Variants in ZNF594 observed in about 807,000 individuals in gnomAD.
ZNF594 encodes zinc finger protein 594.
For synonymous variants in ZNF594, 336 were observed against 309.4 expected (o/e 1.09, Z -0.90); for missense variants, 1,037 against 964.6 (o/e 1.08, Z -0.99).
In ZNF594 at chr17:5,183,029, C is replaced by T; in HGVS notation, c.1228G>A (p.Gly410Arg). The change falls in exon 2 of 2, where the codon GGG (glycine) becomes AGG (arginine). Residue 410 changes from glycine to arginine, a missense_variant. Physicochemically the swap from Gly to Arg is moderately radical, Grantham distance 125. Transcript: ENST00000575779. ...GEKPYECKEC[G>R]KTFNQSSDLL... ...TCTGAGCTCTGATTGAAAGTTTTCC[C>T]ACATTCTTTACATTCATATGGTTTC... 6.2e-7 allele frequency: 1 copy of T among 1,614,116 alleles called. No individual in the cohort carries two copies. The highest frequency in any genetic ancestry group is 8.5e-7 in the Non-Finnish European group (1 of 1,180,010).
At chr17:5,176,551 T>C (rs533839099), downstream of ZNF594, among the ~76,000 whole-genome samples, 27 of 151,278 alleles carry the variant, frequency 1.8e-4, no homozygotes, top group Non-Finnish European at 3.2e-4. Flanking sequence ...GTTTCTTCTT[T>C]TTTTTTTTTT....
rs763716961 is a variant in ZNF594, at chr17:5,182,602, T to C, written c.1655A>G (p.Asp552Gly). 27 of 1,613,512 alleles carry C rather than the reference T, an allele frequency of 1.7e-5. No homozygotes were observed. The East Asian group carries it at 5.8e-4, about 35-fold the overall frequency. ...TTTCTGCTCTCCCCTAAGCTCCTCA[T>C]CCTGGCTGAAGGTTTTCTCACATTC... ...KLECEKTFSQ[D>G]EELRGEQKIH... The change falls in exon 2 of 2, where the codon GAT becomes GGT. Residue 552 changes from aspartate (D) to glycine (G), a missense_variant. Coordinates refer to ENST00000575779, the MANE Select transcript of ZNF594 (RefSeq NM_032530.2).
Position 5,184,184 on chromosome 17 carries a change from G to C in ZNF594, c.73C>G (p.Gln25Glu). The C allele has an allele frequency of 1.9e-6, 3 of 1,614,056 alleles. No individual in the cohort carries two copies. The highest frequency in any genetic ancestry group is 1.7e-6 in the Non-Finnish European group (2 of 1,180,016). ...TCACATTCCTGGGTGATTTGTCTTT[G>C]GAGTTTTTCGGATGCAGCCCTTGCT... Reference protein sequence around the residue: ...KSARAASEKLQRQITQECELV... With the variant: ...KSARAASEKLERQITQECELV... Residue 25 changes from glutamine (Q) to glutamate (E), a missense_variant, in exon 2 of 2, where the codon CAA (glutamine) becomes GAA (glutamate). Transcript: ENST00000575779.
rs749373453 is a variant in ZNF594 at position 5,184,049 on chromosome 17, G to C, written c.208C>G (p.His70Asp). 55 of 1,613,988 alleles carry C rather than the reference G, an allele frequency of 3.4e-5. No homozygotes were observed. Among genetic ancestry groups the C allele is most frequent in the Non-Finnish European group, 4.4e-5 (52 of 1,180,014 alleles). Residue 70 changes from histidine (H) to aspartate (D), a missense_variant, in exon 2 of 2, where the codon CAT becomes GAT. Transcript: ENST00000575779. ...ACAATGGCTTTCTGGGGGATAATAT[G>C]CATTTCCCTGATACCGCTCTCTTGG... The part of the protein sequence containing the change: ...PSQESGIREM[H>D]IIPQKAIVGE...
chr17:5,178,431 ATTGT>A (rs199762335), downstream of ZNF594, among the ~76,000 whole-genome samples: 1,427 of 152,336 alleles, frequency 9.4e-3, 14 homozygotes, highest in Middle Eastern at 0.014. Context: ...CCTTAATCTC[ATTGT>A]TTGTCTAAAA....
intron 1 of ZNF594, 152 bp from the exon 2 acceptor site, chr17:5,184,428 A>T (rs2641233): frequency 0.75 from 591,518 of 785,656 alleles, 229,675 homozygotes; most frequent in Non-Finnish European, 0.81. Context: ...ACTGTGGCTA[A>T]CACAGGAACC....
At chr17:5,176,962 G>A (rs185923908), downstream of ZNF594, among the ~76,000 whole-genome samples, 9 of 152,162 alleles carry the variant, frequency 5.9e-5, no homozygotes, top group Non-Finnish European at 7.4e-5. Flanking sequence ...TTGAGAGGCC[G>A]AGGCAGGCGG....
rs765216317 is a variant in ZNF594 at position 5,183,744 on chromosome 17, A to G, written c.513T>C (p.Ile171=). 6.3e-7 allele frequency: 1 copy of G among 1,577,568 alleles called. No homozygotes were observed. Among genetic ancestry groups the G allele is most frequent in the South Asian group, 1.1e-5 (1 of 90,950 alleles). The part of the protein sequence containing the change: ...GKDSNQSSNL[I]IHQRIHTGKK... ...TTCCTGTATGAATTCTCTGATGTATAATAAGATTTGAACTTTGATTAGAGT... is the reference window on the plus strand; with the variant it reads ...TTCCTGTATGAATTCTCTGATGTATGATAAGATTTGAACTTTGATTAGAGT... Residue 171 remains isoleucine (I), a synonymous_variant, in exon 2 of 2, where the codon ATT becomes ATC. Transcript: ENST00000575779.
At position 5,183,034 on chromosome 17, in the gene ZNF594, T is replaced by C; in HGVS notation, c.1223A>G (p.Glu408Gly). 1.2e-6 allele frequency: 2 copies of C among 1,614,126 alleles called. No homozygotes were observed. ...HTGEKPYECK[E>G]CGKTFNQSSD... is the part of the protein sequence containing the mutation. ...GCTCTGATTGAAAGTTTTCCCACAT[T>C]CTTTACATTCATATGGTTTCTCTCC... The change falls in exon 2 of 2, where the codon GAA (glutamate) becomes GGA (glycine). Residue 408 changes from glutamate to glycine, a missense_variant. Coordinates refer to ENST00000575779, the MANE Select transcript of ZNF594 (RefSeq NM_032530.2).
In ZNF594 at chr17:5,180,063, C is replaced by CT. The variant is rs763617605; in HGVS notation, c.*1769dup. ...TGTAAAGACAAGCAGAAGAGTTAGA[C>CT]TTTTTTTTTTTTTTGAGATGGAGTT... On this transcript the variant is annotated 3_prime_UTR_variant, in exon 2 of 2. Transcript: ENST00000575779. 2.2e-3 allele frequency: 304 copies of CT among 140,656 alleles called. No individual in the cohort carries two copies. Among genetic ancestry groups the CT allele is most frequent in the East Asian group, 9.1e-3 (44 of 4,832 alleles). 8.7% of individuals were successfully genotyped at this position (140,656 alleles called of 1,614,324 possible). A position where few individuals can be genotyped will look rare whatever the true frequency, so the allele number is the denominator to read the frequency against.
chr17:5,183,836 T>G lies in ZNF594; in HGVS notation c.421A>C (p.Asn141His), dbSNP rs1185975244. Residue 141 changes from asparagine to histidine, a missense_variant, in exon 2 of 2, where the codon AAC (asparagine) becomes CAC (histidine). Asn to His is a moderately conservative substitution (Grantham distance 68). Coordinates refer to ENST00000575779, the MANE Select transcript of ZNF594 (RefSeq NM_032530.2). ...ECEKTFNRSS[N>H]LIIHQRIHTG... ...TGAATTCTCTGATGTATGATCAGGTTTGAACTCCTGTTGAAGGTTTTTTCA... is the reference window on the plus strand; with the variant it reads ...TGAATTCTCTGATGTATGATCAGGTGTGAACTCCTGTTGAAGGTTTTTTCA... The G allele has an allele frequency of 6.2e-7, 1 of 1,613,934 alleles. No individual in the cohort carries two copies. Among genetic ancestry groups the G allele is most frequent in the African/African-American group, 1.3e-5 (1 of 74,922 alleles).
rs1389887913 is a variant in ZNF594 at position 5,180,190 on chromosome 17, A to G, written c.*1643T>C. 1.3e-5 allele frequency: 2 copies of G among 151,706 alleles called. No homozygotes were observed. The highest frequency in any genetic ancestry group is 2.9e-5 in the Non-Finnish European group (2 of 68,004). The allele number at this position is 151,706 out of a possible 1,614,324, so 9.4% of individuals were successfully genotyped here. On this transcript the variant is annotated 3_prime_UTR_variant, in exon 2 of 2. Coordinates refer to ENST00000575779, the MANE Select transcript of ZNF594 (RefSeq NM_032530.2). ...ATTCTCCTGCCCTAGCCTCGCAAGT[A>G]CCTGGGACTACAGGCGTGCCCCACC...
chr17:5,178,381 G>A (rs2074319033), downstream of ZNF594, among the ~76,000 whole-genome samples: 1 of 152,040 alleles, frequency 6.6e-6, no homozygotes. Flanking sequence ...TCAACAATTA[G>A]TCATAAATAA....
At position 5,180,027 on chromosome 17, in the gene ZNF594, C is replaced by T. The variant is rs1464323695; in HGVS notation, c.*1806G>A. ...TTATCCTTATAAACATTAGCTCTCA[C>T]TGTACAGCATTGTAAAGACAAGCAG... On this transcript the variant is annotated 3_prime_UTR_variant, in exon 2 of 2. Transcript: ENST00000575779. 6.6e-6 allele frequency: 1 copy of T among 151,326 alleles called. No homozygotes were observed. The highest frequency in any genetic ancestry group is 2.4e-5 in the African/African-American group (1 of 41,138). The allele number at this position is 151,326 out of a possible 1,614,324, so 9.4% of individuals were successfully genotyped here.
At position 5,183,536 on chromosome 17, in the gene ZNF594, A is replaced by G. The variant is rs1350559719; in HGVS notation, c.721T>C (p.Cys241Arg). The change falls in exon 2 of 2, where the codon TGC (cysteine) becomes CGC (arginine). Residue 241 changes from cysteine (C) to arginine (R), a missense_variant. Physicochemically the swap from Cys to Arg is radical, Grantham distance 180. Transcript: ENST00000575779. Reference sequence around the variant, plus strand: ...CTGAAAGCCTTCCCACATTTATTGCATAAATATGGCTTCCCCCTACTGTGG... The same window carrying G: ...CTGAAAGCCTTCCCACATTTATTGCGTAAATATGGCTTCCCCCTACTGTGG... ...RIHSRGKPYLCNKCGKAFSQS... is the reference protein window; with the variant it reads ...RIHSRGKPYLRNKCGKAFSQS... 1.2e-6 allele frequency: 2 copies of G among 1,614,108 alleles called. No individual in the cohort carries two copies. Among genetic ancestry groups the G allele is most frequent in the Non-Finnish European group, 1.7e-6 (2 of 1,180,050 alleles).
chr17:5,178,385 T>C (rs754984792), downstream of ZNF594, among the ~76,000 whole-genome samples: 2 of 152,174 alleles, frequency 1.3e-5, no homozygotes, highest in Non-Finnish European at 2.9e-5. Flanking sequence ...CAATTAGTCA[T>C]AAATAACTCT....
Position 5,182,670 on chromosome 17 carries a change from T to C in ZNF594, c.1587A>G (p.Thr529=), listed in dbSNP as rs2144243986. ...KECGKLFIWR[T]AFLKHQSLHT... is the part of the protein sequence containing the mutation. ...GCAGGCTCTGATGTTTGAGGAAAGC[T>C]GTGCGCCAAATGAAGAGCTTCCCAC... is the stretch of plus-strand genomic sequence containing the variant. Residue 529 remains threonine, a synonymous_variant, in exon 2 of 2, where the codon ACA becomes ACG. Coordinates refer to ENST00000575779, the MANE Select transcript of ZNF594 (RefSeq NM_032530.2). 1 of 1,613,998 alleles carries C rather than the reference T, an allele frequency of 6.2e-7. No homozygotes were observed. The highest frequency in any genetic ancestry group is 2.2e-5 in the East Asian group (1 of 44,828).
Position 5,183,651 on chromosome 17 carries a change from C to G in ZNF594, c.606G>C (p.Lys202Asn). 6.2e-7 allele frequency: 1 copy of G among 1,614,186 alleles called. No individual in the cohort carries two copies. The highest frequency in any genetic ancestry group is 1.1e-5 in the South Asian group (1 of 91,080). ...AGGGATTCCCACCACTGTGAATTTGCTTATGTCTCACCAGATTGGAGCTCT... is the reference window on the plus strand; with the variant it reads ...AGGGATTCCCACCACTGTGAATTTGGTTATGTCTCACCAGATTGGAGCTCT... ...FNQSSNLVRH[K>N]QIHSGGNPYE... Residue 202 changes from lysine to asparagine, a missense_variant, in exon 2 of 2, where the codon AAG (lysine) becomes AAC (asparagine). By Grantham distance (94) the Lys-to-Asn change is moderately conservative (BLOSUM62 0). Transcript: ENST00000575779.
At position 5,183,784 on chromosome 17, in the gene ZNF594, T is replaced by C. The variant is rs748341377; in HGVS notation, c.473A>G (p.Asn158Ser). The change falls in exon 2 of 2, where the codon AAT becomes AGT. Residue 158 changes from asparagine to serine, a missense_variant. Coordinates refer to ENST00000575779, the MANE Select transcript of ZNF594 (RefSeq NM_032530.2). ...TTGATTAGAGTCTTTCCCACATTCA[T>C]TACACACATATGGCTTATTTCCTGT... ...IHTGNKPYVCNECGKDSNQSS... is the reference protein window; with the variant it reads ...IHTGNKPYVCSECGKDSNQSS... The C allele has an allele frequency of 6.9e-5, 111 of 1,614,150 alleles. No individual in the cohort carries two copies. The highest frequency in any genetic ancestry group is 7.5e-5 in the Non-Finnish European group (89 of 1,180,032).
Sources: allele counts gnomAD v4.1 joint callset (sites outside exome capture counted in the v4.1 genomes callset), GRCh38; gene constraint gnomAD v4.1.1; transcripts MANE v1.5; gene names NCBI Gene and HGNC (gene_info 2026-07-23, HGNC 2026-07-21).